The following CSMD3 variants were observed in gnomAD, a reference collection of about 807,000 sequenced individuals.
The protein encoded by CSMD3 is CUB and sushi domain-containing protein 3.
Under a neutral mutation model 435.2 loss-of-function variants are expected in CSMD3, and 177 were observed. The ratio of observed to expected loss-of-function variants is 0.41; its 90% confidence interval spans 0.36 to 0.46. The LOEUF (loss-of-function observed/expected upper bound fraction) is 0.46. Among genes scored for constraint, CSMD3 ranks in the 20% least tolerant of loss-of-function variants. CSMD3 has a pLI of 0.34. For missense variants in CSMD3, 4,265 were observed against 4,504.6 expected (o/e 0.95, Z 1.52); for synonymous variants, 1,656 against 1,520.5 (o/e 1.09, Z -2.07).
At chr8:112,512,693 T>A (rs2130962436) in intron 28 of CSMD3, among the ~76,000 whole-genome samples, 1 of 152,312 alleles carries the variant, frequency 6.6e-6, no homozygotes, top group African/African-American at 2.4e-5. Context: ...TTAGCCCCTA[T>A]AAGAGAGTCA....
intron 10 of CSMD3, among the ~76,000 whole-genome samples, chr8:112,899,032 T>C (rs2082028297): frequency 6.6e-6 from 1 of 151,236 alleles, no homozygotes; most frequent in African/African-American, 2.4e-5. Context: ...ATGCATAAGA[T>C]CAATGAGCTT....
intron 60 of CSMD3, among the ~76,000 whole-genome samples, chr8:112,265,154 T>C (rs1767241270): frequency 1.3e-5 from 2 of 152,020 alleles, no homozygotes; most frequent in South Asian, 4.1e-4. Flanking sequence ...AATATGGACA[T>C]AATATTTTAC....
At chr8:112,274,588 C>T (rs1817853839) in intron 59 of CSMD3, among the ~76,000 whole-genome samples, 1 of 152,100 alleles carries the variant, frequency 6.6e-6, no homozygotes, top group South Asian at 2.1e-4. Context: ...AAAAACTACC[C>T]CAAAAGATGA....
chr8:112,998,015 C>T (rs898677049), intron 6 of CSMD3, among the ~76,000 whole-genome samples: 1 of 151,300 alleles, frequency 6.6e-6, no homozygotes, highest in African/African-American at 2.4e-5. Flanking sequence ...TACTTTGAGC[C>T]CTACTCATGT....
In CSMD3 at chr8:112,581,891, A is replaced by G. The variant is rs143882279; in HGVS notation, c.3885+5175T>C. Among the ~76,000 whole-genome samples, 3 of 152,150 alleles carry G rather than the reference A, an allele frequency of 2.0e-5. No homozygotes were observed. In the East Asian group the frequency reaches 5.8e-4, roughly 29 times the overall value. ...GCCCATTGAAGACTCTGATCATATG[A>G]CATTTGAGTAGAGACCTGAAGGAAA... On this transcript the variant is annotated intron_variant, in intron 23 of 70. Transcript: ENST00000297405.
At chr8:112,858,581 T>C (rs984728877) in intron 11 of CSMD3, among the ~76,000 whole-genome samples, 11 of 151,854 alleles carry the variant, frequency 7.2e-5, no homozygotes, top group African/African-American at 2.7e-4. Context: ...ATTCATTGTG[T>C]TATAATTTTG....
chr8:113,076,317 CT>C (rs2089335715), intron 5 of CSMD3, among the ~76,000 whole-genome samples: 1 of 151,776 alleles, frequency 6.6e-6, no homozygotes, highest in Admixed American at 6.6e-5. Flanking sequence ...TTTGCTGCCA[CT>C]GTCAAGGGCA....
intron 5 of CSMD3, among the ~76,000 whole-genome samples, chr8:113,061,805 T>C (rs2088625345): frequency 6.6e-6 from 1 of 151,948 alleles, no homozygotes; most frequent in East Asian, 1.9e-4. Flanking sequence ...AATAAATACA[T>C]AACTTAAATA....
chr8:112,627,002 T>C (rs1453681663), intron 22 of CSMD3, among the ~76,000 whole-genome samples: 2 of 152,092 alleles, frequency 1.3e-5, no homozygotes, highest in Admixed American at 6.6e-5. Context: ...AAACCTAGCA[T>C]ACAGTAAACA....
At chr8:112,769,637 T>G (rs16884093) in intron 13 of CSMD3, among the ~76,000 whole-genome samples, 50,521 of 151,822 alleles carry the variant, frequency 0.33, 9,258 homozygotes, top group African/African-American at 0.5. Context: ...ATAATATTTT[T>G]AATAAGTTGC....
chr8:113,246,302 C>A (rs1401337283), intron 3 of CSMD3, among the ~76,000 whole-genome samples: 6 of 151,906 alleles, frequency 3.9e-5, no homozygotes, highest in Admixed American at 1.3e-4. Flanking sequence ...TCTCAATTGA[C>A]CCATTTGTAT....
chr8:112,886,360 T>TC (rs986970693), intron 10 of CSMD3, among the ~76,000 whole-genome samples: 1 of 151,596 alleles, frequency 6.6e-6, no homozygotes, highest in African/African-American at 2.4e-5. Flanking sequence ...TCTTTTTTTT[T>TC]CTTTTTCTGA....
intron 1 of CSMD3, among the ~76,000 whole-genome samples, chr8:113,328,446 A>AG (rs1403560012): frequency 6.6e-6 from 1 of 151,726 alleles, no homozygotes; most frequent in African/African-American, 2.4e-5. Flanking sequence ...TCAAAAAAAA[A>AG]AAAAAAAAAG....
Position 113,327,054 on chromosome 8 carries a change from G to T in CSMD3, c.179-12261C>A, listed in dbSNP as rs543175017. On this transcript the variant is annotated intron_variant, in intron 1 of 70. Coordinates refer to ENST00000297405, the MANE Select transcript of CSMD3 (RefSeq NM_198123.2). Reference sequence around the variant, plus strand: ...ATAGCTTTAAGAAGTCTAAGTCCCAGCTGGATTTCCCACTGCCACCCAAGA... The same window carrying T: ...ATAGCTTTAAGAAGTCTAAGTCCCATCTGGATTTCCCACTGCCACCCAAGA... Among the ~76,000 whole-genome samples, 93 of 152,286 alleles carry T rather than the reference G, an allele frequency of 6.1e-4. 1 individual carries two copies. The highest frequency in any genetic ancestry group is 2.2e-3 in the African/African-American group (91 of 41,570).
intron 1 of CSMD3, chr8:113,376,677 T>C: frequency 6.2e-7 from 1 of 1,600,124 alleles, no homozygotes; most frequent in Non-Finnish European, 8.6e-7. Context: ...TCATGGGAGT[T>C]GACACCCGCC....
intron 45 of CSMD3, among the ~76,000 whole-genome samples, chr8:112,331,062 A>T (rs1029276389): frequency 6.6e-6 from 1 of 152,010 alleles, no homozygotes; most frequent in African/African-American, 2.4e-5. Flanking sequence ...TTACTATGAA[A>T]ATTAGCAATA....
intron 4 of CSMD3, among the ~76,000 whole-genome samples, chr8:113,146,130 A>G (rs1292236087): frequency 6.6e-6 from 1 of 151,616 alleles, no homozygotes; most frequent in African/African-American, 2.4e-5. Flanking sequence ...TTAAATATAT[A>G]TTAACATAAC....
At chr8:112,926,707 A>G (rs149579171) in intron 9 of CSMD3, among the ~76,000 whole-genome samples, 3 of 152,274 alleles carry the variant, frequency 2.0e-5, no homozygotes, top group African/African-American at 7.2e-5. Flanking sequence ...AATTTTATTT[A>G]CAATCAAATA....
intron 68 of CSMD3, among the ~76,000 whole-genome samples, chr8:112,232,378 A>C (rs1487982141): frequency 6.6e-6 from 1 of 152,124 alleles, no homozygotes; most frequent in African/African-American, 2.4e-5. Context: ...AAGGCCAAGG[A>C]GGGCAAATCA....
Sources: allele counts gnomAD v4.1 joint callset (sites outside exome capture counted in the v4.1 genomes callset), GRCh38; gene constraint gnomAD v4.1.1; transcripts MANE v1.5; gene names NCBI Gene and HGNC (gene_info 2026-07-23, HGNC 2026-07-21).